ERC2: variants seen among roughly 807,000 people sequenced by gnomAD.
ERC2 encodes ELKS/RAB6-interacting/CAST family member 2, also known as ERC protein 2.
ERC2 carries 42 observed loss-of-function variants against 114.8 expected under a neutral mutation model. The observed-to-expected ratio is 0.37, with a 90% CI of 0.29 to 0.47. ERC2 has a LOEUF of 0.47. ERC2 is among the 20% of genes least tolerant of loss of function. The pLI is 0.99. For missense variants in ERC2, 939 were observed against 1,150.7 expected (o/e 0.82, Z 2.66); for synonymous variants, 454 against 425.5 (o/e 1.07, Z -0.82).
intron 6 of ERC2, among the ~76,000 whole-genome samples, chr3:56,129,623 G>A (rs985519729): frequency 2.6e-5 from 4 of 152,108 alleles, no homozygotes; most frequent in Non-Finnish European, 5.9e-5. Context: ...CCATTTACCA[G>A]TAAGTAACAC....
At chr3:56,302,976 A>C (rs1490267928) in intron 2 of ERC2, among the ~76,000 whole-genome samples, 2 of 152,254 alleles carry the variant, frequency 1.3e-5, no homozygotes, top group Non-Finnish European at 1.5e-5. Flanking sequence ...CGCTTATGGC[A>C]AAACAGCTAA....
intron 15 of ERC2, among the ~76,000 whole-genome samples, chr3:55,700,559 C>T (rs549196327): frequency 2.0e-5 from 3 of 152,360 alleles, no homozygotes; most frequent in South Asian, 4.1e-4. Context: ...AAGTCAAATG[C>T]TGTCATTACT....
intron 14 of ERC2, among the ~76,000 whole-genome samples, chr3:55,768,591 G>A (rs1320667600): frequency 6.6e-6 from 1 of 152,218 alleles, no homozygotes; most frequent in African/African-American, 2.4e-5. Flanking sequence ...TTCCTGTGAA[G>A]GAGATGTTTG....
intron 17 of ERC2, among the ~76,000 whole-genome samples, chr3:55,560,233 A>G (rs1189844017): frequency 6.6e-6 from 1 of 152,222 alleles, no homozygotes; most frequent in East Asian, 1.9e-4. Context: ...ATAAAACTTT[A>G]CTTAAAAAAA....
Position 55,981,207 on chromosome 3 carries a change from A to G in ERC2, c.2267+4770T>C, listed in dbSNP as rs185664379. 1.3e-4 allele frequency among the ~76,000 whole-genome samples: 20 copies of G among 152,326 alleles called. No homozygotes were observed. In the East Asian group the frequency reaches 1.7e-3, roughly 13 times the overall value. On this transcript the variant is annotated intron_variant, in intron 12 of 17. Transcript: ENST00000288221. The stretch of plus-strand genomic sequence containing the variant: ...GGAAAACAACTTTTTTCCATCCCCA[A>G]TAAAATATTTGCACCTAAAGCAAAA...
rs571279456 is a variant in ERC2, at chr3:56,246,777, C to CT, written c.1074+49241dup. On this transcript the variant is annotated intron_variant, in intron 3 of 17. Transcript: ENST00000288221. ...ACAGGCTTTCTCTTTGTCTTCCCTA[C>CT]TTAGTGTCCTGAAGCCATCCAGAAA... 2.1e-4 allele frequency among the ~76,000 whole-genome samples: 32 copies of CT among 152,290 alleles called. 1 individual carries two copies. The South Asian group carries it at 6.6e-3, about 32-fold the overall frequency.
intron 13 of ERC2, among the ~76,000 whole-genome samples, chr3:55,939,402 G>C (rs1228254849): frequency 6.6e-6 from 1 of 152,178 alleles, no homozygotes; most frequent in Admixed American, 6.5e-5. Context: ...AAAGAAAAGG[G>C]CTCCCTTTGT....
chr3:55,544,408 C>A (rs1295075889), intron 17 of ERC2, among the ~76,000 whole-genome samples: 1 of 152,116 alleles, frequency 6.6e-6, no homozygotes, highest in African/African-American at 2.4e-5. Context: ...TACCTCCCAC[C>A]CCCAGCTCTA....
chr3:55,650,263 A>C (rs2060561222), intron 17 of ERC2, among the ~76,000 whole-genome samples: 1 of 152,142 alleles, frequency 6.6e-6, no homozygotes, highest in Admixed American at 6.5e-5. Flanking sequence ...GAGTCCTCGC[A>C]AGGCTCCCCA....
intron 13 of ERC2, among the ~76,000 whole-genome samples, chr3:55,932,378 T>A (rs903516537): frequency 6.6e-6 from 1 of 152,230 alleles, no homozygotes; most frequent in Non-Finnish European, 1.5e-5. Flanking sequence ...TGGGGCTAAG[T>A]ATTTAATGCA....
At chr3:56,344,491 G>T (rs187212314) in intron 2 of ERC2, among the ~76,000 whole-genome samples, 1 of 152,244 alleles carries the variant, frequency 6.6e-6, no homozygotes. Flanking sequence ...AGAGCCAGGA[G>T]CCAGGAGTTC....
intron 3 of ERC2, among the ~76,000 whole-genome samples, chr3:56,284,150 G>A (rs2054531075): frequency 6.6e-6 from 1 of 152,224 alleles, no homozygotes; most frequent in South Asian, 2.1e-4. Flanking sequence ...AAGATTTGGG[G>A]TGAGTGGTGT....
At chr3:56,358,886 C>G (rs2058842644) in intron 2 of ERC2, among the ~76,000 whole-genome samples, 1 of 152,186 alleles carries the variant, frequency 6.6e-6, no homozygotes, top group African/African-American at 2.4e-5. Context: ...CTTAGTGTCA[C>G]TATTAATGCT....
chr3:56,338,895 A>C (rs2150484049), intron 2 of ERC2, among the ~76,000 whole-genome samples: 1 of 152,340 alleles, frequency 6.6e-6, no homozygotes, highest in Non-Finnish European at 1.5e-5. Flanking sequence ...GCAAATGAAC[A>C]AAATAAAGCT....
intron 2 of ERC2, among the ~76,000 whole-genome samples, chr3:56,325,660 A>C (rs368661471): frequency 4.1e-4 from 62 of 152,304 alleles, no homozygotes; most frequent in African/African-American, 1.4e-3. Context: ...GGATCTTGTC[A>C]TTATGAACTA....
At chr3:56,084,668 A>T (rs2077409178) in intron 6 of ERC2, among the ~76,000 whole-genome samples, 1 of 152,144 alleles carries the variant, frequency 6.6e-6, no homozygotes, top group South Asian at 2.1e-4. Flanking sequence ...ACACAGATGC[A>T]TGTGAAGTCG....
intron 10 of ERC2, among the ~76,000 whole-genome samples, chr3:56,004,816 T>C (rs919837356): frequency 1.3e-5 from 2 of 152,046 alleles, no homozygotes; most frequent in Non-Finnish European, 2.9e-5. Context: ...CTTTTATATT[T>C]AATTCACAAG....
At chr3:56,094,876 C>G (rs757040549) in intron 6 of ERC2, among the ~76,000 whole-genome samples, 1 of 152,164 alleles carries the variant, frequency 6.6e-6, no homozygotes, top group Admixed American at 6.5e-5. Context: ...AAAATAATAA[C>G]AGTGAAACTT....
chr3:55,839,989 C>G lies in ERC2; in HGVS notation c.2564+48400G>C, dbSNP rs1004852481. Among the ~76,000 whole-genome samples the G allele has an allele frequency of 2.0e-5, 3 of 151,802 alleles. No individual in the cohort carries two copies. In the South Asian group the frequency reaches 6.2e-4, roughly 31 times the overall value. ...CAGAAATAGGAAAAAAAGTAAAAAG[C>G]TGGAAAAATAAATATACTAACACTA... On this transcript the variant is annotated intron_variant, in intron 14 of 17. Coordinates refer to ENST00000288221, the MANE Select transcript of ERC2 (RefSeq NM_015576.3).
Sources: gnomAD v4.1 joint callset for allele counts (sites outside exome capture counted in the v4.1 genomes callset) on GRCh38, gnomAD v4.1.1 for gene constraint, MANE v1.5 for transcripts, NCBI Gene and HGNC (gene_info 2026-07-23, HGNC 2026-07-21) for gene names.